The following MAGI2 variants were observed in gnomAD, a reference collection of about 807,000 sequenced individuals.
The protein encoded by MAGI2 is membrane-associated guanylate kinase, WW and PDZ domain-containing protein 2.
A neutral mutation model predicts 133.3 loss-of-function variants in MAGI2; 35 were observed. The observed-to-expected ratio is 0.26, with a 90% confidence interval of 0.20 to 0.35. The LOEUF (loss-of-function observed/expected upper bound fraction) is 0.35. MAGI2 is among the 10% of genes least tolerant of loss of function. The pLI is 1.00. For missense variants in MAGI2, 1,636 were observed against 1,863.4 expected, an observed-to-expected ratio of 0.88 and a Z score of 2.25; for synonymous variants, 729 against 710.6, an observed-to-expected ratio of 1.03 and a Z score of -0.41.
chr7:78,511,867 G>T (rs1426098325), intron 4 of MAGI2, among the ~76,000 whole-genome samples: 1 of 151,494 alleles, frequency 6.6e-6, no homozygotes, highest in Non-Finnish European at 1.5e-5. Context: ...AGGCCGAGGT[G>T]GGTGGATCAC....
chr7:79,428,992 G>A (rs1298020525), intron 1 of MAGI2, among the ~76,000 whole-genome samples: 1 of 151,908 alleles, frequency 6.6e-6, no homozygotes, highest in Non-Finnish European at 1.5e-5. Flanking sequence ...AATGATATAA[G>A]TAGACTATAT....
chr7:79,007,126 T>C lies in MAGI2; in HGVS notation c.382A>G (p.Ile128Val). The C allele has an allele frequency of 6.2e-7, 1 of 1,613,224 alleles. No homozygotes were observed. The highest frequency in any genetic ancestry group is 8.5e-7 in the Non-Finnish European group (1 of 1,179,604). The change falls in exon 2 of 22, where the codon ATC becomes GTC. Residue 128 changes from isoleucine to valine, a missense_variant. Ile to Val is a conservative substitution (Grantham distance 29). Transcript: ENST00000354212. ...CGGAGGTAGAGGTTGTCACGAATGATTTGCTGAAGCTCATGGTCCACAGAA... is the reference window on the plus strand; with the variant it reads ...CGGAGGTAGAGGTTGTCACGAATGACTTGCTGAAGCTCATGGTCCACAGAA... ...KGSVDHELQQ[I>V]IRDNLYLRTV...
intron 1 of MAGI2, among the ~76,000 whole-genome samples, chr7:79,033,351 A>G (rs1316490359): frequency 6.6e-6 from 1 of 152,156 alleles, no homozygotes; most frequent in Admixed American, 6.5e-5. Flanking sequence ...TTTAAACACA[A>G]CTCAAATAAC....
intron 2 of MAGI2, among the ~76,000 whole-genome samples, chr7:78,830,583 T>A (rs1296902398): frequency 1.3e-5 from 2 of 152,200 alleles, no homozygotes; most frequent in Non-Finnish European, 2.9e-5. Context: ...TAAAATAATA[T>A]GTATTTTAGT....
At chr7:78,545,322 C>G (rs924255901) in intron 3 of MAGI2, among the ~76,000 whole-genome samples, 2 of 149,174 alleles carry the variant, frequency 1.3e-5, no homozygotes, top group African/African-American at 4.9e-5. Context: ...AAGCAATTCT[C>G]CTGTCTCAGC....
At chr7:79,291,785 G>C (rs539524908) in intron 1 of MAGI2, among the ~76,000 whole-genome samples, 47 of 152,170 alleles carry the variant, frequency 3.1e-4, no homozygotes, top group Admixed American at 1.1e-3. Context: ...TTGTTGAATT[G>C]TAAGAGTTTG....
intron 2 of MAGI2, among the ~76,000 whole-genome samples, chr7:78,914,185 T>G (rs546683428): frequency 6.6e-6 from 1 of 152,194 alleles, no homozygotes; most frequent in Non-Finnish European, 1.5e-5. Flanking sequence ...GGACAGAGGA[T>G]GTATCACTAT....
intron 7 of MAGI2, among the ~76,000 whole-genome samples, chr7:78,366,525 C>A (rs761979152): frequency 6.6e-6 from 1 of 151,938 alleles, no homozygotes; most frequent in Non-Finnish European, 1.5e-5. Context: ...CCAATATATA[C>A]CTTGTGAAAA....
At chr7:79,228,786 A>G (rs949202118) in intron 1 of MAGI2, among the ~76,000 whole-genome samples, 1 of 152,128 alleles carries the variant, frequency 6.6e-6, no homozygotes, top group African/African-American at 2.4e-5. Context: ...GCCTGAGAGG[A>G]GTCTTTCCTA....
At chr7:78,452,637 C>A (rs1444816292) in intron 6 of MAGI2, among the ~76,000 whole-genome samples, 1 of 151,440 alleles carries the variant, frequency 6.6e-6, no homozygotes, top group Non-Finnish European at 1.5e-5. Flanking sequence ...TCACAGGAGA[C>A]TTTGTATGTA....
chr7:78,348,330 G>A (rs977596898), intron 7 of MAGI2: 4 of 152,294 alleles, frequency 2.6e-5, no homozygotes, highest in Admixed American at 6.5e-5. Flanking sequence ...TTGCTGTGAG[G>A]ATAAGAGAAT....
At chr7:79,070,551 G>A (rs1814858616) in intron 1 of MAGI2, among the ~76,000 whole-genome samples, 1 of 151,384 alleles carries the variant, frequency 6.6e-6, no homozygotes, top group Admixed American at 6.6e-5. Context: ...GAGTGCAGTG[G>A]CACGATCTCG....
chr7:78,532,499 T>C (rs1175197886), intron 3 of MAGI2, among the ~76,000 whole-genome samples: 1 of 152,220 alleles, frequency 6.6e-6, no homozygotes, highest in Admixed American at 6.5e-5. Context: ...AGTCCCTAAG[T>C]ATATCTCCCA....
chr7:78,166,077 C>T (rs959756325), intron 15 of MAGI2, among the ~76,000 whole-genome samples: 1 of 152,170 alleles, frequency 6.6e-6, no homozygotes, highest in African/African-American at 2.4e-5. Context: ...CACTCAAAAG[C>T]CTAACTGAGT....
chr7:78,511,385 T>C (rs1795548624), intron 4 of MAGI2, among the ~76,000 whole-genome samples: 1 of 151,892 alleles, frequency 6.6e-6, no homozygotes, highest in Admixed American at 6.6e-5. Context: ...AGTCAGTTCA[T>C]CAAGAAGTCC....
intron 1 of MAGI2, among the ~76,000 whole-genome samples, chr7:79,378,356 T>G (rs1843520904): frequency 6.6e-6 from 1 of 151,776 alleles, no homozygotes; most frequent in Admixed American, 6.6e-5. Flanking sequence ...AAAACTTCTG[T>G]GAGGTACAGG....
intron 16 of MAGI2, among the ~76,000 whole-genome samples, chr7:78,148,166 G>A (rs1823508471): frequency 6.6e-6 from 1 of 152,150 alleles, no homozygotes. Flanking sequence ...GAATGGATAA[G>A]CAAACTATGG....
At chr7:78,219,352 T>C (rs530893635) in intron 10 of MAGI2, among the ~76,000 whole-genome samples, 4 of 152,316 alleles carry the variant, frequency 2.6e-5, no homozygotes, top group South Asian at 4.1e-4. Flanking sequence ...ATTGATTGAA[T>C]GGCTACTGCA....
chr7:78,548,720 C>G (rs1441265709), intron 3 of MAGI2, among the ~76,000 whole-genome samples: 2 of 151,976 alleles, frequency 1.3e-5, no homozygotes, highest in Non-Finnish European at 2.9e-5. Flanking sequence ...CAAAAACAAA[C>G]AAAAGATTGC....
Sources: gnomAD v4.1 joint callset for allele counts (sites outside exome capture counted in the v4.1 genomes callset) on GRCh38, gnomAD v4.1.1 for gene constraint, MANE v1.5 for transcripts, NCBI Gene and HGNC (gene_info 2026-07-23, HGNC 2026-07-21) for gene names.